Variants in CRPPA observed in about 807,000 individuals in gnomAD.
The protein encoded by CRPPA is D-ribitol-5-phosphate cytidylyltransferase.
CRPPA carries 43 observed loss-of-function variants against 52.0 expected under a neutral mutation model. That is an observed-to-expected ratio of 0.83 (90% CI 0.65 to 1.07). CRPPA has a LOEUF of 1.07. Among genes scored for constraint, CRPPA ranks in the 50% least tolerant of loss-of-function variants. The probability of loss-of-function intolerance (pLI) is 0.00; values close to 1 mark genes in which losing one functional copy is unlikely to be tolerated. For missense variants in CRPPA, 629 were observed against 551.7 expected (o/e 1.14, Z -1.40); for synonymous variants, 250 against 203.5 (o/e 1.23, Z -1.94).
chr7:16,383,188 G>C (rs1404625925), intron 2 of CRPPA, among the ~76,000 whole-genome samples: 1 of 152,164 alleles, frequency 6.6e-6, no homozygotes, highest in African/African-American at 2.4e-5. Flanking sequence ...TGTCCTTTCT[G>C]TTTCTTAGTT....
intron 9 of CRPPA, among the ~76,000 whole-genome samples, chr7:16,142,558 C>A (rs1190763012): frequency 6.6e-6 from 1 of 152,148 alleles, no homozygotes; most frequent in Non-Finnish European, 1.5e-5. Context: ...AATAGATCTT[C>A]CAAAGTAGTT....
chr7:16,375,163 G>C (rs1786849046), intron 3 of CRPPA, among the ~76,000 whole-genome samples: 1 of 152,130 alleles, frequency 6.6e-6, no homozygotes, highest in Non-Finnish European at 1.5e-5. Context: ...GGATCAGCTT[G>C]TATCTGATTC....
chr7:16,406,384 C>T, intron 1 of CRPPA, 47 bp from the exon 2 acceptor site: 3 of 1,516,152 alleles, frequency 2.0e-6, no homozygotes, highest in Non-Finnish European at 2.7e-6. Flanking sequence ...TCTTAGACAA[C>T]TAAAGTGAGT....
intron 9 of CRPPA, among the ~76,000 whole-genome samples, chr7:16,122,320 G>C (rs1194836355): frequency 1.3e-5 from 2 of 151,740 alleles, no homozygotes; most frequent in African/African-American, 2.4e-5. Flanking sequence ...CTAGCAAAGA[G>C]CAATAATAAT....
At chr7:16,316,281 G>C (rs1478039275) in intron 3 of CRPPA, among the ~76,000 whole-genome samples, 1 of 152,086 alleles carries the variant, frequency 6.6e-6, no homozygotes, top group Non-Finnish European at 1.5e-5. Context: ...GAAAAAATGA[G>C]TTATCTCTGG....
intron 2 of CRPPA, among the ~76,000 whole-genome samples, chr7:16,388,899 C>G (rs921968087): frequency 6.6e-6 from 1 of 151,748 alleles, no homozygotes; most frequent in African/African-American, 2.4e-5. Flanking sequence ...CAGTTCACAA[C>G]CTTTGACGAA....
chr7:16,400,402 G>A (rs1787779775), intron 2 of CRPPA, among the ~76,000 whole-genome samples: 1 of 152,154 alleles, frequency 6.6e-6, no homozygotes, highest in African/African-American at 2.4e-5. Context: ...GACAGGCCTG[G>A]CACATGACTA....
chr7:16,282,526 T>C (rs1784340238), intron 5 of CRPPA, among the ~76,000 whole-genome samples: 1 of 152,080 alleles, frequency 6.6e-6, no homozygotes, highest in East Asian at 1.9e-4. Flanking sequence ...ACAGAAATGA[T>C]AAAGTAAATG....
At chr7:16,199,470 G>T (rs375749283) in intron 9 of CRPPA, among the ~76,000 whole-genome samples, 3 of 152,160 alleles carry the variant, frequency 2.0e-5, no homozygotes, top group East Asian at 1.9e-4. Flanking sequence ...GATAATAAAA[G>T]AATTAAAATA....
intron 9 of CRPPA, among the ~76,000 whole-genome samples, chr7:16,207,702 ATT>A (rs1028071787): frequency 1.1e-4 from 16 of 152,212 alleles, no homozygotes; most frequent in African/African-American, 3.6e-4. Context: ...CTTTTAGACT[ATT>A]TGTCATGCCA....
At chr7:16,399,456 CTGAT>C (rs1787731577) in intron 2 of CRPPA, among the ~76,000 whole-genome samples, 1 of 151,998 alleles carries the variant, frequency 6.6e-6, no homozygotes, top group African/African-American at 2.4e-5. Flanking sequence ...CAACATGTGA[CTGAT>C]ACGAGATTGA....
At chr7:16,379,740 C>CT (rs527286812) in intron 2 of CRPPA, among the ~76,000 whole-genome samples, 2 of 152,054 alleles carry the variant, frequency 1.3e-5, no homozygotes, top group Non-Finnish European at 2.9e-5. Context: ...GTATTTTATT[C>CT]CTTTGAAGCA....
At chr7:16,174,806 C>G (rs538930301) in intron 9 of CRPPA, among the ~76,000 whole-genome samples, 1 of 152,172 alleles carries the variant, frequency 6.6e-6, no homozygotes, top group East Asian at 1.9e-4. Flanking sequence ...TTAATATATT[C>G]CAAGCAGAGC....
intron 1 of CRPPA, among the ~76,000 whole-genome samples, chr7:16,419,120 G>A (rs923589882): frequency 6.6e-6 from 1 of 152,170 alleles, no homozygotes; most frequent in Non-Finnish European, 1.5e-5. Context: ...CAGAGAAATG[G>A]AATAAAGTTA....
intron 8 of CRPPA, among the ~76,000 whole-genome samples, chr7:16,219,519 G>C (rs1437967597): frequency 9.3e-6 from 1 of 107,318 alleles, no homozygotes; most frequent in Non-Finnish European, 2.0e-5. Context: ...TTTTTTGAAA[G>C]GATCAACAAA....
chr7:16,222,880 T>G (rs1447363310), intron 8 of CRPPA, among the ~76,000 whole-genome samples: 1 of 152,210 alleles, frequency 6.6e-6, no homozygotes, highest in Non-Finnish European at 1.5e-5. Context: ...ATAGAATGTG[T>G]ATTGATCAAG....
chr7:16,105,282 G>T (rs560160771), intron 9 of CRPPA, among the ~76,000 whole-genome samples: 5 of 152,134 alleles, frequency 3.3e-5, no homozygotes, highest in Non-Finnish European at 4.4e-5. Context: ...CCATAGAAAC[G>T]AATGAAGTTA....
chr7:16,255,115 G>A (rs1783600501), intron 8 of CRPPA, among the ~76,000 whole-genome samples: 1 of 152,060 alleles, frequency 6.6e-6, no homozygotes, highest in South Asian at 2.1e-4. Flanking sequence ...AAATCAACGT[G>A]CAAAAATCAC....
intron 2 of CRPPA, among the ~76,000 whole-genome samples, chr7:16,400,713 G>A (rs1036855265): frequency 3.3e-5 from 5 of 152,136 alleles, no homozygotes; most frequent in African/African-American, 1.2e-4. Flanking sequence ...CACGTTACAC[G>A]TTTGTGACAC....
Sources: gnomAD v4.1 joint callset for allele counts (sites outside exome capture counted in the v4.1 genomes callset) on GRCh38, gnomAD v4.1.1 for gene constraint, MANE v1.5 for transcripts, NCBI Gene and HGNC (gene_info 2026-07-23, HGNC 2026-07-21) for gene names.